The following BTNL8 variants were observed in gnomAD, a reference collection of about 807,000 sequenced individuals.
BTNL8 encodes the protein butyrophilin like 8, also known as butyrophilin-like protein 8.
Under a neutral mutation model 36.1 loss-of-function variants are expected in BTNL8, and 22 were observed. The ratio of observed to expected loss-of-function variants is 0.61; its 90% CI spans 0.44 to 0.87. The LOEUF (loss-of-function observed/expected upper bound fraction) is 0.87. Among genes scored for constraint, BTNL8 ranks in the 40% least tolerant of loss-of-function variants. The pLI is 0.00. For missense variants in BTNL8, 526 were observed against 616.9 expected (o/e 0.85, Z 1.56); for synonymous variants, 203 against 235.6 (o/e 0.86, Z 1.27).
At chr5:180,924,343 C>T (rs1469895397) in intron 3 of BTNL8, among the ~76,000 whole-genome samples, 2 of 152,198 alleles carry the variant, frequency 1.3e-5, no homozygotes, top group African/African-American at 4.8e-5. Context: ...AGCCTCTGGC[C>T]CTGCCCACCC....
At chr5:180,907,803 TG>T (rs1393061714) in intron 1 of BTNL8, among the ~76,000 whole-genome samples, 2 of 151,656 alleles carry the variant, frequency 1.3e-5, no homozygotes, top group African/African-American at 4.9e-5. Flanking sequence ...GTGCCCCTGC[TG>T]GGGGGTGCCT....
rs1425620084 is a variant in BTNL8, at chr5:180,948,057, C to T, written c.788-298C>T. 6.2e-6 allele frequency: 4 copies of T among 642,730 alleles called. No individual in the cohort carries two copies. In the East Asian group the frequency reaches 1.2e-4, roughly 19 times the overall value. The allele number at this position is 642,730 out of a possible 1,614,324, so 39.8% of individuals were successfully genotyped here. A position where few individuals can be genotyped will look rare whatever the true frequency, so the allele number is the denominator to read the frequency against. ...TCCTCCTCCTTGGGAGTGACACTTC[C>T]CCTTGGGGGTGAGGCCACCCCCGCC... On this transcript the variant is annotated intron_variant, in intron 4 of 7. Transcript: ENST00000340184.
chr5:180,930,659 A>G (rs1758330387), intron 3 of BTNL8, among the ~76,000 whole-genome samples: 1 of 152,182 alleles, frequency 6.6e-6, no homozygotes, highest in Non-Finnish European at 1.5e-5. Context: ...ATTTCTATAC[A>G]CTAATAATAG....
intron 7 of BTNL8, 157 bp downstream of exon 7, chr5:180,949,422 T>C: frequency 8.8e-7 from 1 of 1,134,914 alleles, no homozygotes; most frequent in Non-Finnish European, 1.3e-6. Flanking sequence ...AAGGGTTCAG[T>C]GCCCCCAGAC....
intron 2 of BTNL8, among the ~76,000 whole-genome samples, 197 bp downstream of exon 2, chr5:180,909,130 A>G (rs1757267477): frequency 6.6e-6 from 1 of 152,192 alleles, no homozygotes; most frequent in South Asian, 2.1e-4. Flanking sequence ...CCACCATCAC[A>G]TCAAGGTATA....
At chr5:180,920,995 A>C (rs1402912531) in intron 3 of BTNL8, among the ~76,000 whole-genome samples, 1 of 152,072 alleles carries the variant, frequency 6.6e-6, no homozygotes, top group African/African-American at 2.4e-5. Flanking sequence ...ACTATGGAAA[A>C]CAGTATGCAG....
chr5:180,920,853 A>G (rs939620171), intron 3 of BTNL8, among the ~76,000 whole-genome samples: 1 of 152,068 alleles, frequency 6.6e-6, no homozygotes, highest in African/African-American at 2.4e-5. Context: ...ACTCACTATC[A>G]CTAACCATCA....
chr5:180,941,909 A>C (rs1758979485), intron 3 of BTNL8, among the ~76,000 whole-genome samples: 2 of 151,202 alleles, frequency 1.3e-5, no homozygotes, highest in African/African-American at 4.9e-5. Flanking sequence ...CACTTTTACT[A>C]CTCTTATTCA....
At chr5:180,911,664 C>T (rs770167660) in intron 3 of BTNL8, 50 bp downstream of exon 3, 1 of 1,528,576 alleles carries the variant, frequency 6.5e-7, no homozygotes. Context: ...GCTTCGGTAA[C>T]TCAGAGGGAG....
intron 3 of BTNL8, among the ~76,000 whole-genome samples, chr5:180,941,696 G>C (rs1758962810): frequency 6.6e-6 from 1 of 151,516 alleles, no homozygotes; most frequent in Non-Finnish European, 1.5e-5. Context: ...AGACCAAAAA[G>C]TATATGATCA....
intron 3 of BTNL8, among the ~76,000 whole-genome samples, chr5:180,912,556 T>A (rs1757447815): frequency 6.6e-6 from 1 of 152,092 alleles, no homozygotes; most frequent in Non-Finnish European, 1.5e-5. Context: ...AACTTTTCAG[T>A]CATCCCTAAA....
intron 3 of BTNL8, among the ~76,000 whole-genome samples, chr5:180,927,097 C>T (rs913438537): frequency 2.0e-5 from 3 of 152,132 alleles, no homozygotes; most frequent in Admixed American, 6.5e-5. Flanking sequence ...TGGTGGATGC[C>T]CCCCTGGGAC....
intron 1 of BTNL8, among the ~76,000 whole-genome samples, chr5:180,904,891 G>A (rs1016249560): frequency 1.3e-5 from 2 of 152,018 alleles, no homozygotes; most frequent in African/African-American, 4.8e-5. Flanking sequence ...TGACCATGGT[G>A]GATAAGCTTT....
At chr5:180,899,434 G>C in intron 1 of BTNL8, 75 bp downstream of exon 1, 1 of 1,484,178 alleles carries the variant, frequency 6.7e-7, no homozygotes, top group South Asian at 1.1e-5. Flanking sequence ...CAGCATAATG[G>C]AATGAAGGCA....
intron 3 of BTNL8, among the ~76,000 whole-genome samples, chr5:180,912,208 T>C (rs1213141824): frequency 6.6e-6 from 1 of 151,976 alleles, no homozygotes; most frequent in Non-Finnish European, 1.5e-5. Flanking sequence ...TGGACAGGAG[T>C]GACACCATTG....
intron 1 of BTNL8, among the ~76,000 whole-genome samples, chr5:180,901,448 T>G (rs1756819185): frequency 6.6e-6 from 1 of 152,154 alleles, no homozygotes; most frequent in African/African-American, 2.4e-5. Context: ...TACAGGGTAG[T>G]AAGAGTGATT....
chr5:180,916,439 T>C (rs1320333944), intron 3 of BTNL8, among the ~76,000 whole-genome samples: 1 of 150,978 alleles, frequency 6.6e-6, no homozygotes, highest in Admixed American at 6.6e-5. Context: ...AAGAAAAAAC[T>C]AAGCCAAAAT....
intron 3 of BTNL8, among the ~76,000 whole-genome samples, chr5:180,919,246 T>C (rs1427941827): frequency 6.6e-6 from 1 of 152,240 alleles, no homozygotes; most frequent in East Asian, 1.9e-4. Context: ...ACCTCTGTTG[T>C]AATGTTAATG....
chr5:180,947,794 T>G, intron 4 of BTNL8, 169 bp downstream of exon 4: 1 of 1,598,302 alleles, frequency 6.3e-7, no homozygotes, highest in Non-Finnish European at 8.5e-7. Flanking sequence ...CATCTCTTCC[T>G]CTGGAAATAT....
Sources: allele counts gnomAD v4.1 joint callset (sites outside exome capture counted in the v4.1 genomes callset), GRCh38; gene constraint gnomAD v4.1.1; transcripts MANE v1.5; gene names NCBI Gene and HGNC (gene_info 2026-07-23, HGNC 2026-07-21).